The following FBN3 variants were observed in gnomAD, a reference collection of about 807,000 sequenced individuals.
FBN3 encodes fibrillin 3.
A neutral mutation model predicts 330.1 loss-of-function variants in FBN3; 234 were observed. The ratio of observed to expected loss-of-function variants is 0.71; its 90% CI spans 0.64 to 0.79. The LOEUF (loss-of-function observed/expected upper bound fraction) is 0.79. FBN3 is among the 30% of genes least tolerant of loss of function. The probability of loss-of-function intolerance (pLI) is 0.00; values close to 1 mark genes in which losing one functional copy is unlikely to be tolerated. For missense variants in FBN3, 3,606 were observed against 3,886.9 expected (o/e 0.93, Z 1.92); for synonymous variants, 1,458 against 1,517.3 (o/e 0.96, Z 0.91).
chr19:8,084,091 C>A (rs969212855), intron 56 of FBN3, among the ~76,000 whole-genome samples: 1 of 152,000 alleles, frequency 6.6e-6, no homozygotes, highest in Non-Finnish European at 1.5e-5. Context: ...CGTGAGCCAC[C>A]GCGGCCCTCC....
intron 63 of FBN3, among the ~76,000 whole-genome samples, chr19:8,071,815 T>C (rs1019867443): frequency 6.6e-6 from 1 of 151,210 alleles, no homozygotes; most frequent in Non-Finnish European, 1.5e-5. Context: ...TCACCAGGAG[T>C]GAGGCAGAGT....
At chr19:8,126,940 C>G in intron 18 of FBN3, 108 bp from the exon 19 acceptor site, 1 of 1,303,698 alleles carries the variant, frequency 7.7e-7, no homozygotes, top group South Asian at 1.6e-5. Flanking sequence ...ACGGGGTGCA[C>G]CCAGATGCAC....
intron 18 of FBN3, among the ~76,000 whole-genome samples, 177 bp from the exon 19 acceptor site, chr19:8,127,009 G>T (rs569897387): frequency 6.7e-6 from 1 of 148,370 alleles, no homozygotes; most frequent in South Asian, 2.1e-4. Context: ...GTGCTGAGCT[G>T]TGTGTGTACA....
intron 22 of FBN3, 27 bp downstream of exon 22, chr19:8,125,865 C>T (rs758219134): frequency 1.9e-6 from 3 of 1,587,012 alleles, no homozygotes; most frequent in Middle Eastern, 1.7e-4. Flanking sequence ...ACGTGTGGCC[C>T]TGTATGCGGA....
chr19:8,110,733 C>T (rs1363534475), intron 34 of FBN3, 112 bp downstream of exon 34: 26 of 1,410,602 alleles, frequency 1.8e-5, no homozygotes, highest in Non-Finnish European at 2.5e-5. Flanking sequence ...CCCAGCAAGA[C>T]TGCAGGGGAG....
chr19:8,099,304 G>A (rs1186445324), intron 41 of FBN3, among the ~76,000 whole-genome samples: 4 of 95,020 alleles, frequency 4.2e-5, no homozygotes, highest in South Asian at 3.3e-4. Context: ...TTTTTGCAAC[G>A]GAGTCTTGCT....
At chr19:8,080,841 T>C (rs2081761643) in intron 59 of FBN3, among the ~76,000 whole-genome samples, 162 bp downstream of exon 59, 1 of 152,138 alleles carries the variant, frequency 6.6e-6, no homozygotes, top group East Asian at 1.9e-4. Flanking sequence ...AGGCTGGTCT[T>C]GAACTCCTGA....
chr19:8,140,718 G>T (rs1321664125), intron 8 of FBN3, among the ~76,000 whole-genome samples: 1 of 152,130 alleles, frequency 6.6e-6, no homozygotes, highest in East Asian at 1.9e-4. Flanking sequence ...CACAGGGTCT[G>T]TGAGCAGCTC....
At chr19:8,068,043 A>G (rs1325437636) in intron 63 of FBN3, among the ~76,000 whole-genome samples, 1 of 152,010 alleles carries the variant, frequency 6.6e-6, no homozygotes, top group Non-Finnish European at 1.5e-5. Flanking sequence ...AGCCTGGGTG[A>G]CAGAGTGAGA....
intron 24 of FBN3, among the ~76,000 whole-genome samples, chr19:8,122,154 G>A (rs2082867593): frequency 6.6e-6 from 1 of 152,054 alleles, no homozygotes; most frequent in South Asian, 2.1e-4. Context: ...CTCTCGAATA[G>A]CTGGGACTAC....
chr19:8,137,636 A>G (rs1019687317), intron 10 of FBN3, among the ~76,000 whole-genome samples: 1 of 151,358 alleles, frequency 6.6e-6, no homozygotes, highest in Non-Finnish European at 1.5e-5. Flanking sequence ...TTATTTATTT[A>G]TTTATTTTTA....
intron 47 of FBN3, among the ~76,000 whole-genome samples, chr19:8,092,707 C>CA (rs33973797): frequency 0.012 from 809 of 70,146 alleles, 32 homozygotes; most frequent in African/African-American, 0.036. Flanking sequence ...GAGACTCCAC[C>CA]AAAAAAAAAA....
At position 8,093,472 on chromosome 19, in the gene FBN3, A is replaced by AAAT. The variant is rs983456073; in HGVS notation, c.5905+971_5905+973dup. 9.6e-4 allele frequency among the ~76,000 whole-genome samples: 146 copies of AAAT among 152,080 alleles called. 1 individual carries two copies. Among genetic ancestry groups the AAAT allele is most frequent in the African/African-American group, 3.3e-3 (139 of 41,526 alleles). ...CCCCGTCTCTACTAAAAATACAAAA[A>AAAT]AATAGCCGGGCATGGTGGCGGGCGC... On this transcript the variant is annotated intron_variant, in intron 47 of 63. Coordinates refer to ENST00000600128, the MANE Select transcript of FBN3 (RefSeq NM_032447.5).
intron 41 of FBN3, 57 bp from the exon 42 acceptor site, chr19:8,097,471 C>G: frequency 6.5e-7 from 1 of 1,539,480 alleles, no homozygotes; most frequent in Non-Finnish European, 8.8e-7. Context: ...TCCAGCGATG[C>G]TGAGCGAAGG....
chr19:8,073,193 G>T lies in FBN3; in HGVS notation c.7807C>A (p.Gln2603Lys). 1 of 1,614,018 alleles carries T rather than the reference G, an allele frequency of 6.2e-7. No individual in the cohort carries two copies. Among genetic ancestry groups the T allele is most frequent in the Non-Finnish European group, 8.5e-7 (1 of 1,179,984 alleles). The change falls in exon 62 of 64, where the codon CAG becomes AAG. Residue 2603 changes from glutamine to lysine, a missense_variant. By Grantham distance (53) the Gln-to-Lys change is moderately conservative. Coordinates refer to ENST00000600128, the MANE Select transcript of FBN3 (RefSeq NM_032447.5). ...ACCTCCTGGCAGCCCCCGAGGGCCT[G>T]ATCAAAGTCAAAGCCAGAGGGGCAG... ...CVCPSGFDFD[Q>K]ALGGCQEVDE...
At position 8,102,755 on chromosome 19, in the gene FBN3, T is replaced by A; in HGVS notation, c.5058A>T (p.Arg1686Ser). Residue 1686 changes from arginine (R) to serine (S), a missense_variant, in exon 40 of 64, where the codon AGA becomes AGT. Physicochemically the swap from Arg to Ser is moderately radical, Grantham distance 110. Coordinates refer to ENST00000600128, the MANE Select transcript of FBN3 (RefSeq NM_032447.5). ...CSYNIGQAWN[R>S]PCEACPTPIS... ...TGGGAGTGGGGCAGGCCTCACAGGG[T>A]CTATTCCAGGCCTGGCCAATGTTGT... The A allele has an allele frequency of 6.2e-7, 1 of 1,613,844 alleles. No homozygotes were observed. The highest frequency in any genetic ancestry group is 8.5e-7 in the Non-Finnish European group (1 of 1,179,972).
At chr19:8,085,249 A>G in intron 56 of FBN3, 114 bp downstream of exon 56, 2 of 857,440 alleles carry the variant, frequency 2.3e-6, no homozygotes, top group Non-Finnish European at 3.6e-6. Flanking sequence ...ACACACACAC[A>G]CACACACAGT....
intron 51 of FBN3, 124 bp downstream of exon 51, chr19:8,089,421 G>A: frequency 8.9e-6 from 9 of 1,010,578 alleles, no homozygotes; most frequent in Non-Finnish European, 1.3e-5. Flanking sequence ...GTGAATGGGG[G>A]AGAGAGGCAG....
intron 14 of FBN3, among the ~76,000 whole-genome samples, chr19:8,132,610 G>T (rs1341171971): frequency 6.6e-6 from 1 of 152,058 alleles, no homozygotes; most frequent in East Asian, 1.9e-4. Flanking sequence ...TCCTGCCTCA[G>T]CCTCCCAAGT....
Sources: allele counts gnomAD v4.1 joint callset (sites outside exome capture counted in the v4.1 genomes callset), GRCh38; gene constraint gnomAD v4.1.1; transcripts MANE v1.5; gene names NCBI Gene and HGNC (gene_info 2026-07-23, HGNC 2026-07-21).